Variants in BBX observed in about 807,000 individuals in gnomAD.
The protein encoded by BBX is BBX high mobility group box domain containing.
Under a neutral mutation model 100.2 loss-of-function variants are expected in BBX, and 30 were observed. That is an observed-to-expected ratio of 0.30 (90% CI 0.22 to 0.41). BBX has a LOEUF of 0.41. Ranked by LOEUF, BBX falls within the 10% of genes least tolerant of loss-of-function variation. The pLI is 1.00. For synonymous variants in BBX, 376 were observed against 388.1 expected, an observed-to-expected ratio of 0.97 and a Z score of 0.37; for missense variants, 1,023 against 1,129.8, an observed-to-expected ratio of 0.91 and a Z score of 1.35.
chr3:107,767,448 A>G (rs2066486099), intron 10 of BBX, among the ~76,000 whole-genome samples: 1 of 152,218 alleles, frequency 6.6e-6, no homozygotes, highest in Non-Finnish European at 1.5e-5. Flanking sequence ...TAGGTTTCCA[A>G]CAACAGAAAA....
chr3:107,793,900 G>C (rs549806537), intron 15 of BBX, among the ~76,000 whole-genome samples: 1 of 151,762 alleles, frequency 6.6e-6, no homozygotes, highest in Non-Finnish European at 1.5e-5. Context: ...TTAGTAATAT[G>C]TTTAAATGCT....
chr3:107,730,188 A>G (rs1312231594), intron 6 of BBX, among the ~76,000 whole-genome samples: 1 of 152,206 alleles, frequency 6.6e-6, no homozygotes, highest in Non-Finnish European at 1.5e-5. Context: ...GTAAGCTCCC[A>G]AAATGATGCT....
chr3:107,585,164 G>A (rs1227205146), intron 2 of BBX, among the ~76,000 whole-genome samples: 1 of 152,100 alleles, frequency 6.6e-6, no homozygotes, highest in African/African-American at 2.4e-5. Flanking sequence ...AATAAGGTGA[G>A]GAGGTAACCC....
At chr3:107,747,853 G>A in intron 8 of BBX, 112 bp from the exon 9 acceptor site, 2 of 767,764 alleles carry the variant, frequency 2.6e-6, no homozygotes, top group Non-Finnish European at 4.2e-6. Flanking sequence ...TGAGGGTAAT[G>A]ACTCATTTTT....
In BBX at chr3:107,687,523, A is replaced by G. The variant is rs139498540; in HGVS notation, c.-9-22929A>G. 3.7e-3 allele frequency among the ~76,000 whole-genome samples: 567 copies of G among 152,230 alleles called. 5 individuals carry two copies. Among genetic ancestry groups the G allele is most frequent in the Admixed American group, 8.4e-3 (128 of 15,294 alleles). ...TAAAATCATAGCATACAGTGGTAAT[A>G]ACAGGCCTTCATGGTCATCTAGCCC... On this transcript the variant is annotated intron_variant, in intron 3 of 17. Coordinates refer to ENST00000325805, the MANE Select transcript of BBX (RefSeq NM_001142568.3).
intron 13 of BBX, among the ~76,000 whole-genome samples, chr3:107,787,488 G>A (rs1487494190): frequency 6.6e-6 from 1 of 152,132 alleles, no homozygotes; most frequent in East Asian, 1.9e-4. Context: ...TTAGGGAGAG[G>A]GGGAATACAG....
At chr3:107,585,570 C>A (rs2052770860) in intron 2 of BBX, among the ~76,000 whole-genome samples, 1 of 152,094 alleles carries the variant, frequency 6.6e-6, no homozygotes, top group African/African-American at 2.4e-5. Context: ...CTCCCCGCTG[C>A]CATTATGGGG....
intron 3 of BBX, among the ~76,000 whole-genome samples, chr3:107,708,633 C>T (rs1378630972): frequency 6.9e-6 from 1 of 144,090 alleles, no homozygotes; most frequent in Admixed American, 7.1e-5. Context: ...GAGATCGCAC[C>T]ACTGCACTCC....
At chr3:107,562,649 T>G (rs2050590911) in intron 2 of BBX, among the ~76,000 whole-genome samples, 1 of 152,208 alleles carries the variant, frequency 6.6e-6, no homozygotes, top group African/African-American at 2.4e-5. Context: ...TGGAAACTGC[T>G]TCTTCCTTAA....
At chr3:107,691,976 A>G (rs2060199696) in intron 3 of BBX, among the ~76,000 whole-genome samples, 2 of 152,138 alleles carry the variant, frequency 1.3e-5, no homozygotes, top group South Asian at 4.1e-4. Flanking sequence ...GTTTTGCTTT[A>G]TGAAGTGAAG....
chr3:107,641,012 A>G (rs1229619934), intron 2 of BBX, among the ~76,000 whole-genome samples: 1 of 152,044 alleles, frequency 6.6e-6, no homozygotes. Context: ...TAATTTCCCA[A>G]ACAGTAAAAG....
intron 3 of BBX, among the ~76,000 whole-genome samples, chr3:107,702,156 TG>T (rs1294076907): frequency 6.6e-6 from 1 of 151,940 alleles, no homozygotes; most frequent in African/African-American, 2.4e-5. Context: ...AGAAGAAAAA[TG>T]GTTGGAGAAG....
intron 6 of BBX, among the ~76,000 whole-genome samples, chr3:107,730,287 T>C (rs2063224989): frequency 6.6e-6 from 1 of 152,148 alleles, no homozygotes; most frequent in South Asian, 2.1e-4. Context: ...TCATTTGTTA[T>C]TAGATAGTCT....
intron 7 of BBX, among the ~76,000 whole-genome samples, chr3:107,735,639 CT>C (rs2063586221): frequency 6.6e-6 from 1 of 151,944 alleles, no homozygotes; most frequent in African/African-American, 2.4e-5. Flanking sequence ...AAAAAAGCAT[CT>C]CTAGAGGGTA....
rs2071230201 is a variant in BBX, at chr3:107,810,146, C to G, written c.*4689C>G. The G allele has an allele frequency of 6.6e-6, 1 of 151,474 alleles. No individual in the cohort carries two copies. The highest frequency in any genetic ancestry group is 1.5e-5 in the Non-Finnish European group (1 of 67,940). The allele number at this position is 151,474 out of a possible 1,614,324, so 9.4% of individuals were successfully genotyped here. A position where few individuals can be genotyped will look rare whatever the true frequency, so the allele number is the denominator to read the frequency against. ...AATAAAAAGACAAATGTATTTGACT[C>G]CCTCATAATCCCCATCTGTATGTGC... On this transcript the variant is annotated 3_prime_UTR_variant, in exon 18 of 18. Coordinates refer to ENST00000325805, the MANE Select transcript of BBX (RefSeq NM_001142568.3).
intron 2 of BBX, among the ~76,000 whole-genome samples, chr3:107,571,361 C>T (rs866383007): frequency 1.4e-4 from 22 of 152,096 alleles, no homozygotes; most frequent in Non-Finnish European, 2.9e-5. Context: ...CAGGCATCCC[C>T]GCAGTGGTTA....
chr3:107,609,461 G>A (rs2054679100), intron 2 of BBX, among the ~76,000 whole-genome samples: 1 of 151,904 alleles, frequency 6.6e-6, no homozygotes, highest in African/African-American at 2.4e-5. Flanking sequence ...AGTAGGATTA[G>A]TATTAGTATA....
chr3:107,556,288 T>C (rs1305307247), intron 2 of BBX, among the ~76,000 whole-genome samples: 2 of 152,242 alleles, frequency 1.3e-5, no homozygotes, highest in Non-Finnish European at 2.9e-5. Context: ...ATTGAACAGG[T>C]TTATCTATTT....
intron 2 of BBX, among the ~76,000 whole-genome samples, chr3:107,537,414 T>A (rs1035415529): frequency 3.3e-5 from 5 of 152,230 alleles, no homozygotes; most frequent in African/African-American, 1.2e-4. Flanking sequence ...CCACTGTAGC[T>A]GATACTTTTA....
Sources: gnomAD v4.1 joint callset for allele counts (sites outside exome capture counted in the v4.1 genomes callset) on GRCh38, gnomAD v4.1.1 for gene constraint, MANE v1.5 for transcripts, NCBI Gene and HGNC (gene_info 2026-07-23, HGNC 2026-07-21) for gene names.